RALGDS: variants seen among roughly 807,000 people sequenced by gnomAD.
The protein encoded by RALGDS is ral guanine nucleotide dissociation stimulator.
A neutral mutation model predicts 99.8 loss-of-function variants in RALGDS; 44 were observed. That is an observed-to-expected ratio of 0.44 (90% CI 0.35 to 0.57). The LOEUF (loss-of-function observed/expected upper bound fraction) is 0.57, where lower values mean the gene tolerates loss of function less well. Among genes scored for constraint, RALGDS ranks in the 20% least tolerant of loss-of-function variants. RALGDS has a pLI of 0.01. For synonymous variants in RALGDS, 529 were observed against 505.0 expected, an observed-to-expected ratio of 1.05 and a Z score of -0.64; for missense variants, 1,022 against 1,203.1, an observed-to-expected ratio of 0.85 and a Z score of 2.23.
intron 1 of RALGDS, among the ~76,000 whole-genome samples, chr9:133,116,705 C>T (rs1163623199): frequency 5.9e-5 from 9 of 152,248 alleles, no homozygotes; most frequent in Admixed American, 2.0e-4. Flanking sequence ...GGTGCAAGGC[C>T]CTTTGGACAC....
chr9:133,108,413 G>C lies in RALGDS; in HGVS notation c.779-7C>G. 6.5e-7 allele frequency: 1 copy of C among 1,535,456 alleles called. No homozygotes were observed. The highest frequency in any genetic ancestry group is 1.2e-5 in the South Asian group (1 of 83,866). ...GCTGGCACTGGTGACAGAGCTGCAAGAGGAGAAAAGTTCAACAACATGCCA... is the reference window on the plus strand; with the variant it reads ...GCTGGCACTGGTGACAGAGCTGCAACAGGAGAAAAGTTCAACAACATGCCA... On this transcript the variant is annotated splice_region_variant and splice_polypyrimidine_tract_variant and intron_variant, in intron 5 of 17. Coordinates refer to ENST00000372050, the MANE Select transcript of RALGDS (RefSeq NM_006266.4).
In RALGDS at chr9:133,097,924, C is replaced by T. The variant is rs527424552; in HGVS notation, c.*663G>A. 2 of 233,402 alleles carry T rather than the reference C, an allele frequency of 8.6e-6. No individual in the cohort carries two copies. Among genetic ancestry groups the T allele is most frequent in the East Asian group, 1.2e-4 (2 of 16,438 alleles). 14.5% of individuals were successfully genotyped at this position (233,402 alleles called of 1,614,324 possible). ...GCATGGTCTCGTAAAGCCCAGGACG[C>T]AGTGGTGAATGGCACTTGCAGTGGC... On this transcript the variant is annotated 3_prime_UTR_variant, in exon 18 of 18. Transcript: ENST00000372050.
At chr9:133,124,848 G>A (rs761101373), upstream of RALGDS, among the ~76,000 whole-genome samples, 7 of 152,316 alleles carry the variant, frequency 4.6e-5, no homozygotes, top group Admixed American at 6.5e-5. Flanking sequence ...GTGGAGGAAC[G>A]CAGCACCACT....
At position 133,149,009 on chromosome 9, in the gene RALGDS, C is replaced by G. The variant is rs762134754; in HGVS notation, c.-29G>C. The G allele has an allele frequency of 9.0e-6, 14 of 1,555,764 alleles. No individual in the cohort carries two copies. In the South Asian group the frequency reaches 1.7e-4, roughly 18 times the overall value. ...CAGCCTCGGTGGCACATCGCCGGCC[C>G]CAGGGCGGGACCCGGGGCTCGCAGA... On this transcript the variant is annotated 5_prime_UTR_variant, in exon 1 of 18. Transcript: ENST00000393160.
In RALGDS at chr9:133,144,541, C is replaced by A. The variant is rs1832592373; in HGVS notation, c.18+4422G>T. 1.3e-5 allele frequency among the ~76,000 whole-genome samples: 2 copies of A among 152,238 alleles called. No homozygotes were observed. The highest frequency in any genetic ancestry group is 4.8e-5 in the African/African-American group (2 of 41,462). On this transcript the variant is annotated intron_variant, in intron 1 of 17. Transcript: ENST00000393160. This position sits in a 1 kb window ranked among gnomAD's most constrained non-coding sequence, Gnocchi z 4.5. ...AGCTCCTCGCGACCCGAAAGCGAGA[C>A]CTTTGTCTGCGGCAGCTCCGCGCCG...
intron 1 of RALGDS, among the ~76,000 whole-genome samples, chr9:133,113,202 C>T (rs1210430450): frequency 1.3e-5 from 2 of 152,318 alleles, no homozygotes; most frequent in East Asian, 3.9e-4. Flanking sequence ...TGGCCTGGCC[C>T]AGGGTCATTA....
chr9:133,108,313 G>T lies in RALGDS; in HGVS notation c.872C>A (p.Pro291Gln), dbSNP rs1473621060. ...RAPSPVPAPA[P>Q]EPEPAPTPAP... is the part of the protein sequence containing the mutation. ...TGGTGTTGGAGCTGGCTCTGGCTCC[G>T]GGGCTGGAGCCGGCACTGGGCTGGG... The change falls in exon 6 of 18, where the codon CCG becomes CAG. Residue 291 changes from proline (P) to glutamine (Q), a missense_variant. Around this residue, in one of 3 missense-constraint regions of RALGDS, gnomAD observed 825 missense variants for 994.5 expected, o/e 0.83. Transcript: ENST00000372050. 6.5e-7 allele frequency: 1 copy of T among 1,547,588 alleles called. No individual in the cohort carries two copies.
At position 133,102,790 on chromosome 9, in the gene RALGDS, G is replaced by A. The variant is rs142280175; in HGVS notation, c.1902C>T (p.Ser634=). The A allele has an allele frequency of 8.7e-6, 14 of 1,612,202 alleles. No homozygotes were observed. The African/African-American group carries it at 1.1e-4, about 12-fold the overall frequency. ...TGCCCCGGCCTCACCTCTCAGTCTCGCTGAGCCGCTCCACGGCCCGGAACC... is the reference window on the plus strand; with the variant it reads ...TGCCCCGGCCTCACCTCTCAGTCTCACTGAGCCGCTCCACGGCCCGGAACC... ...GAWFRAVERL[S]ETESYNLSCE... The change falls in exon 13 of 18, where the codon AGC becomes AGT. Residue 634 remains serine (S), a synonymous_variant. Coordinates refer to ENST00000372050, the MANE Select transcript of RALGDS (RefSeq NM_006266.4).
At chr9:133,145,683 C>G (rs1832611873) in intron 1 of RALGDS, among the ~76,000 whole-genome samples, 1 of 152,198 alleles carries the variant, frequency 6.6e-6, no homozygotes, top group African/African-American at 2.4e-5. Context: ...GGGAAGCCAT[C>G]TGGGTCACCA....
At chr9:133,098,881 A>G (rs1588503920) in intron 17 of RALGDS, 119 bp from the exon 18 acceptor site, 2 of 969,058 alleles carry the variant, frequency 2.1e-6, no homozygotes, top group East Asian at 5.2e-5. Context: ...ATCCCCTCCA[A>G]TACAGCTCCA....
At chr9:133,127,945 A>G in intron 1 of RALGDS, among the ~76,000 whole-genome samples, 1 of 152,240 alleles carries the variant, frequency 6.6e-6, no homozygotes. Context: ...ACGGGGATGC[A>G]GAGGGCTCCG....
At chr9:133,098,827 G>T in intron 17 of RALGDS, 65 bp from the exon 18 acceptor site, 1 of 1,515,436 alleles carries the variant, frequency 6.6e-7, no homozygotes, top group South Asian at 1.1e-5. Flanking sequence ...TACCCCTACC[G>T]CTTGAGAGCC....
chr9:133,104,797 G>A (rs1830933702), intron 9 of RALGDS, among the ~76,000 whole-genome samples: 1 of 152,174 alleles, frequency 6.6e-6, no homozygotes, highest in South Asian at 2.1e-4. Flanking sequence ...GGGAGACAGA[G>A]CGAGACTCCT....
intron 1 of RALGDS, among the ~76,000 whole-genome samples, chr9:133,115,365 CT>C (rs1012683420): frequency 3.7e-4 from 57 of 152,312 alleles, no homozygotes; most frequent in African/African-American, 1.3e-3. Flanking sequence ...TGCTCCGCCC[CT>C]GGTCCTCCCC....
rs1414845170 is a variant in RALGDS at position 133,102,064 on chromosome 9, G to C, written c.2085C>G (p.Gly695=). ...HSKSCDQLRC[G]PYLSSGDIAD... ...CGATGTCCCCGCTGCTGAGGTAGGG[G>C]CCACACCTGAGCTGGTCACAGGACT... Residue 695 remains glycine (G), a synonymous_variant, in exon 15 of 18, where the codon GGC becomes GGG. Coordinates refer to ENST00000372050, the MANE Select transcript of RALGDS (RefSeq NM_006266.4). The C allele has an allele frequency of 6.4e-7, 1 of 1,567,480 alleles. No homozygotes were observed. The highest frequency in any genetic ancestry group is 1.3e-5 in the African/African-American group (1 of 74,096).
At chr9:133,130,960 G>A (rs1171255530) in exon 1 of RALGDS, 1 of 1,535,314 alleles carries the variant, frequency 6.5e-7, no homozygotes, top group Non-Finnish European at 8.7e-7. Flanking sequence ...ACCTTCCTGG[G>A]AACCTGGCCG....
intron 14 of RALGDS, 89 bp from the exon 15 acceptor site, chr9:133,102,228 A>G (rs562487277): frequency 1.9e-4 from 272 of 1,398,254 alleles, no homozygotes; most frequent in Non-Finnish European, 2.5e-4. Context: ...AGGACTGTGC[A>G]AAGTGCTGGG....
intron 12 of RALGDS, 52 bp from the exon 13 acceptor site, chr9:133,102,952 G>T: frequency 6.2e-7 from 1 of 1,607,156 alleles, no homozygotes; most frequent in South Asian, 1.1e-5. Context: ...GGGCAGCACA[G>T]GGGCCAGTCT....
intron 7 of RALGDS, 124 bp from the exon 8 acceptor site, chr9:133,106,872 C>A: frequency 2.2e-6 from 2 of 921,648 alleles, no homozygotes; most frequent in East Asian, 2.6e-5. Context: ...CCAGAGGGCA[C>A]GCCTGCGACC....
Sources: allele counts gnomAD v4.1 joint callset (sites outside exome capture counted in the v4.1 genomes callset), GRCh38; gene constraint gnomAD v4.1.1; regional missense constraint gnomAD v4.1.1; non-coding constraint Gnocchi (gnomAD v3.1); transcripts MANE v1.5; gene names NCBI Gene and HGNC (gene_info 2026-07-23, HGNC 2026-07-21).